Variants in ADGB observed in about 807,000 individuals in gnomAD.
ADGB encodes androglobin, also known as calpain-7-like protein.
In ADGB, 172 loss-of-function variants were observed where a neutral mutation model predicts 210.5. That is an observed-to-expected ratio of 0.82 (90% CI 0.72 to 0.93). The LOEUF (loss-of-function observed/expected upper bound fraction) is 0.93. ADGB is among the 40% of genes least tolerant of loss of function. ADGB has a pLI of 0.00. For synonymous variants in ADGB, 658 were observed against 662.7 expected, an observed-to-expected ratio of 0.99 and a Z score of 0.11; for missense variants, 2,025 against 1,964.8, an observed-to-expected ratio of 1.03 and a Z score of -0.58.
In ADGB at chr6:146,716,945, G is replaced by A. The variant is rs200996535; in HGVS notation, c.1804G>A (p.Glu602Lys). The part of the protein sequence containing the change: ...DAHQSDGLNL[E>K]REIVSQTTAT... Reference sequence around the variant, plus strand: ...TCATCAGAGTGATGGATTAAACTTGGAAAGAGAGATAGTCAGCCAGACCAC... The same window carrying A: ...TCATCAGAGTGATGGATTAAACTTGAAAAGAGAGATAGTCAGCCAGACCAC... Residue 602 changes from glutamate to lysine, a missense_variant, in exon 15 of 36, where the codon GAA (glutamate) becomes AAA (lysine). Coordinates refer to ENST00000397944, the MANE Select transcript of ADGB (RefSeq NM_024694.4). The A allele has an allele frequency of 1.9e-5, 29 of 1,551,456 alleles. No homozygotes were observed. In the Admixed American group the frequency reaches 3.7e-4, roughly 20 times the overall value.
At chr6:146,746,770 C>T (rs1048885906) in intron 26 of ADGB, among the ~76,000 whole-genome samples, 28 of 152,088 alleles carry the variant, frequency 1.8e-4, no homozygotes, top group African/African-American at 6.5e-4. Flanking sequence ...AGATAAACTC[C>T]GAAGCACATA....
intron 18 of ADGB, chr6:146,725,339 G>T (rs1370680802): frequency 1.3e-5 from 2 of 152,280 alleles, no homozygotes; most frequent in African/African-American, 2.4e-5. Context: ...TCCGAGGCCT[G>T]TTAGGAACTG....
intron 21 of ADGB, 136 bp downstream of exon 21, chr6:146,733,391 C>A: frequency 3.5e-6 from 3 of 859,618 alleles, no homozygotes; most frequent in Non-Finnish European, 5.0e-6. Flanking sequence ...GCTCTAAGAG[C>A]TCAAGGGGCT....
chr6:146,617,724 A>G (rs907165682), intron 1 of ADGB, among the ~76,000 whole-genome samples: 1 of 151,950 alleles, frequency 6.6e-6, no homozygotes, highest in Non-Finnish European at 1.5e-5. Context: ...TCTTGATTCC[A>G]TTGATGCTAT....
At chr6:146,809,890 T>A (rs1778279063) in intron 35 of ADGB, among the ~76,000 whole-genome samples, 1 of 152,110 alleles carries the variant, frequency 6.6e-6, no homozygotes, top group Admixed American at 6.5e-5. Flanking sequence ...CTCCTTGACA[T>A]TGGTCTTGGC....
intron 1 of ADGB, among the ~76,000 whole-genome samples, chr6:146,603,220 A>C (rs1780585286): frequency 6.6e-6 from 1 of 152,212 alleles, no homozygotes; most frequent in South Asian, 2.1e-4. Context: ...AACAAATTAA[A>C]TTAATTGATC....
intron 28 of ADGB, among the ~76,000 whole-genome samples, chr6:146,766,497 G>A (rs1443456805): frequency 6.6e-6 from 1 of 150,378 alleles, no homozygotes; most frequent in Admixed American, 6.6e-5. Flanking sequence ...GGGGGTGAGG[G>A]GGAAACACAT....
intron 33 of ADGB, among the ~76,000 whole-genome samples, chr6:146,791,126 A>G (rs1266556750): frequency 6.6e-6 from 1 of 152,138 alleles, no homozygotes. Flanking sequence ...CAAATATTTT[A>G]TCTCAACCCA....
intron 1 of ADGB, among the ~76,000 whole-genome samples, chr6:146,602,792 G>A (rs1401389010): frequency 6.6e-6 from 1 of 152,298 alleles, no homozygotes; most frequent in African/African-American, 2.4e-5. Flanking sequence ...GATTAGCAGA[G>A]GCGTTAAATT....
intron 35 of ADGB, among the ~76,000 whole-genome samples, chr6:146,813,435 A>C (rs1778332346): frequency 6.9e-6 from 1 of 145,744 alleles, no homozygotes; most frequent in South Asian, 2.3e-4. Flanking sequence ...TATTTGGGCC[A>C]CAACTACAGA....
chr6:146,651,754 A>G (rs1326316878), intron 3 of ADGB, among the ~76,000 whole-genome samples: 2 of 152,100 alleles, frequency 1.3e-5, no homozygotes, highest in African/African-American at 4.8e-5. Context: ...GGGATTTTTA[A>G]GCAAACATGT....
chr6:146,768,517 A>G (rs982609949), intron 28 of ADGB, among the ~76,000 whole-genome samples: 14 of 152,268 alleles, frequency 9.2e-5, no homozygotes, highest in Non-Finnish European at 1.6e-4. Context: ...TACTAGGAAA[A>G]TTACATCTCC....
At chr6:146,642,544 A>G (rs776114798) in intron 2 of ADGB, among the ~76,000 whole-genome samples, 1 of 151,878 alleles carries the variant, frequency 6.6e-6, no homozygotes, top group African/African-American at 2.4e-5. Context: ...CTATGGATAC[A>G]TATACACCAT....
chr6:146,784,755 A>G lies in ADGB; in HGVS notation c.4173A>G (p.Lys1391=), dbSNP rs767297262. Reference sequence around the variant, plus strand: ...GGGCAGATGAAATCCGAGCCATGAAACAAGCCTGGGAGACAACTGAGCCAG... The same window carrying G: ...GGGCAGATGAAATCCGAGCCATGAAGCAAGCCTGGGAGACAACTGAGCCAG... ...TERADEIRAM[K]QAWETTEPGR... Residue 1391 remains lysine (K), a synonymous_variant, in exon 31 of 36, where the codon AAA becomes AAG. Coordinates refer to ENST00000397944, the MANE Select transcript of ADGB (RefSeq NM_024694.4). 1 of 1,551,208 alleles carries G rather than the reference A, an allele frequency of 6.4e-7. No homozygotes were observed. The highest frequency in any genetic ancestry group is 1.2e-5 in the South Asian group (1 of 83,986).
At chr6:146,629,891 G>A (rs1414517730) in intron 1 of ADGB, among the ~76,000 whole-genome samples, 1 of 152,116 alleles carries the variant, frequency 6.6e-6, no homozygotes, top group East Asian at 1.9e-4. Flanking sequence ...TTTCTAGGAT[G>A]ATAGTAGATT....
intron 24 of ADGB, 110 bp downstream of exon 24, chr6:146,740,703 G>A: frequency 1.8e-6 from 2 of 1,118,346 alleles, no homozygotes; most frequent in Non-Finnish European, 2.4e-6. Flanking sequence ...GCTTTCATAA[G>A]TTAGTTAAAA....
chr6:146,671,792 C>T (rs557858928), intron 7 of ADGB, among the ~76,000 whole-genome samples: 1 of 152,204 alleles, frequency 6.6e-6, no homozygotes, highest in Admixed American at 6.5e-5. Flanking sequence ...GTTATGGAAG[C>T]CTCAGGGAAG....
chr6:146,749,821 G>GGAGAGA (rs113048302), intron 26 of ADGB, among the ~76,000 whole-genome samples: 1 of 150,172 alleles, frequency 6.7e-6, no homozygotes, highest in Non-Finnish European at 1.5e-5. Context: ...TGGCAGAGCA[G>GGAGAGA]GAGAGAGAGA....
chr6:146,806,857 G>A (rs529010126), intron 35 of ADGB, among the ~76,000 whole-genome samples: 27 of 152,128 alleles, frequency 1.8e-4, no homozygotes, highest in Admixed American at 3.3e-4. Flanking sequence ...GAGAGCGTGC[G>A]GTTAAGCAAG....
Sources: allele counts gnomAD v4.1 joint callset (sites outside exome capture counted in the v4.1 genomes callset), GRCh38; gene constraint gnomAD v4.1.1; transcripts MANE v1.5; gene names NCBI Gene and HGNC (gene_info 2026-07-23, HGNC 2026-07-21).